Variants in SYNPR observed in about 807,000 individuals in gnomAD.
SYNPR encodes synaptoporin.
A neutral mutation model predicts 32.9 loss-of-function variants in SYNPR; 23 were observed. That is an observed-to-expected ratio of 0.70 (90% confidence interval 0.50 to 0.99). The LOEUF (loss-of-function observed/expected upper bound fraction) is 0.99, where lower values mean the gene tolerates loss of function less well. Ranked by LOEUF, SYNPR falls within the 50% of genes least tolerant of loss-of-function variation. The pLI is 0.00. For synonymous variants in SYNPR, 146 were observed against 135.9 expected (o/e 1.07, Z -0.52); for missense variants, 318 against 349.3 (o/e 0.91, Z 0.71).
chr3:63,559,187 C>T (rs1462423315), intron 4 of SYNPR, among the ~76,000 whole-genome samples: 1 of 151,648 alleles, frequency 6.6e-6, no homozygotes, highest in Non-Finnish European at 1.5e-5. Flanking sequence ...CCCACCTCAG[C>T]CCCCCAAGCT....
chr3:63,283,933 C>A (rs903834282), intron 2 of SYNPR, among the ~76,000 whole-genome samples: 2 of 151,486 alleles, frequency 1.3e-5, no homozygotes, highest in Non-Finnish European at 2.9e-5. Context: ...CTCAGCCTCC[C>A]GAGTAGCTGG....
chr3:63,378,733 T>C (rs1046333087), intron 2 of SYNPR, among the ~76,000 whole-genome samples: 1 of 152,112 alleles, frequency 6.6e-6, no homozygotes, highest in African/African-American at 2.4e-5. Flanking sequence ...CCCTGTCTCA[T>C]TTCTAGTATT....
In SYNPR at chr3:63,283,623, C is replaced by CTTTT. The variant is rs10650958; in HGVS notation, c.84+4897_84+4900dup. Among the ~76,000 whole-genome samples, 39 of 111,516 alleles carry CTTTT rather than the reference C, an allele frequency of 3.5e-4. 1 individual carries two copies. The highest frequency in any genetic ancestry group is 8.0e-4 in the African/African-American group (23 of 28,884). 73.2% of individuals were successfully genotyped at this position (111,516 alleles called of 152,430 possible). ...ATAGTCCTGTCTTCCACAGATAATT[C>CTTTT]TTTTTTTTTTTTTTTTTTTGAGACG... is the stretch of plus-strand genomic sequence containing the variant. On this transcript the variant is annotated intron_variant, in intron 2 of 5. Transcript: ENST00000478300.
Position 63,586,938 on chromosome 3 carries a change from C to A in SYNPR, c.409-22187C>A, listed in dbSNP as rs17069108. On this transcript the variant is annotated intron_variant, in intron 4 of 5. Coordinates refer to ENST00000478300, the MANE Select transcript of SYNPR (RefSeq NM_001130003.2). Reference sequence around the variant, plus strand: ...TTCTTTTCCAATCACGTATTGCAACCAAAAGAAATATTCACACATGCGAAG... The same window carrying A: ...TTCTTTTCCAATCACGTATTGCAACAAAAAGAAATATTCACACATGCGAAG... Among the ~76,000 whole-genome samples, 327 of 151,922 alleles carry A rather than the reference C, an allele frequency of 2.2e-3. 11 individuals are homozygous for A. In the East Asian group the frequency reaches 0.058, roughly 27 times the overall value.
Position 63,304,437 on chromosome 3 carries a change from T to A in SYNPR, c.84+25695T>A, listed in dbSNP as rs754184698. On this transcript the variant is annotated intron_variant, in intron 2 of 5. Transcript: ENST00000478300. Reference sequence around the variant, plus strand: ...ATGTATTTTTCCTCTTTTAACAATGTCTGAATTGCTATGAGCAAAAGAGAG... The same window carrying A: ...ATGTATTTTTCCTCTTTTAACAATGACTGAATTGCTATGAGCAAAAGAGAG... 2.2e-4 allele frequency among the ~76,000 whole-genome samples: 34 copies of A among 151,910 alleles called. 1 individual carries two copies. The highest frequency in any genetic ancestry group is 5.9e-5 in the Non-Finnish European group (4 of 67,938).
At chr3:63,204,203 T>G in the SYNPR span, among the ~76,000 whole-genome samples, 1 of 152,078 alleles carries the variant, frequency 6.6e-6, no homozygotes, top group Admixed American at 6.5e-5. Flanking sequence ...ACAACACAAA[T>G]GTATTTCCTC....
chr3:63,315,782 A>T (rs960779565), intron 2 of SYNPR, among the ~76,000 whole-genome samples: 1 of 151,958 alleles, frequency 6.6e-6, no homozygotes, highest in African/African-American at 2.4e-5. Flanking sequence ...TATGTTGAAG[A>T]GGAGTGGTGA....
intron 2 of SYNPR, among the ~76,000 whole-genome samples, chr3:63,451,389 A>G (rs947533486): frequency 6.6e-6 from 1 of 152,182 alleles, no homozygotes; most frequent in East Asian, 1.9e-4. Flanking sequence ...ATTCCATCTC[A>G]AGGGGAGATT....
intron 2 of SYNPR, among the ~76,000 whole-genome samples, chr3:63,381,347 G>A (rs925297710): frequency 6.6e-6 from 1 of 152,120 alleles, no homozygotes; most frequent in African/African-American, 2.4e-5. Flanking sequence ...AACTTACAAG[G>A]GATGTGAAGG....
intron 2 of SYNPR, among the ~76,000 whole-genome samples, chr3:63,470,307 C>A (rs190964286): frequency 6.6e-6 from 1 of 152,254 alleles, no homozygotes; most frequent in Non-Finnish European, 1.5e-5. Flanking sequence ...TTCTTTTTAA[C>A]CCTTGCATAA....
At chr3:63,362,362 C>T (rs2087672695) in intron 2 of SYNPR, among the ~76,000 whole-genome samples, 1 of 152,146 alleles carries the variant, frequency 6.6e-6, no homozygotes, top group Non-Finnish European at 1.5e-5. Context: ...CTGACCCAAA[C>T]AGGAAGTTTT....
intron 4 of SYNPR, among the ~76,000 whole-genome samples, chr3:63,570,440 C>T (rs893865047): frequency 6.6e-6 from 1 of 152,186 alleles, no homozygotes; most frequent in African/African-American, 2.4e-5. Flanking sequence ...GAGCTATCTC[C>T]CGTCATCCCC....
intron 2 of SYNPR, among the ~76,000 whole-genome samples, chr3:63,329,533 G>GA (rs2087203166): frequency 6.6e-6 from 1 of 152,162 alleles, no homozygotes; most frequent in Non-Finnish European, 1.5e-5. Flanking sequence ...CTGAATTAGA[G>GA]AAAATCTCAA....
intron 2 of SYNPR, among the ~76,000 whole-genome samples, chr3:63,391,265 G>C (rs1477114363): frequency 6.6e-6 from 1 of 152,066 alleles, no homozygotes; most frequent in East Asian, 1.9e-4. Context: ...CTGTGACATA[G>C]GAAGTCCATA....
chr3:63,581,150 A>G (rs549060317), intron 4 of SYNPR, among the ~76,000 whole-genome samples: 1 of 152,294 alleles, frequency 6.6e-6, no homozygotes, highest in South Asian at 2.1e-4. Flanking sequence ...GGTGTTTTCC[A>G]CCACTGTCCT....
intron 2 of SYNPR, among the ~76,000 whole-genome samples, chr3:63,469,021 T>TA (rs1434699595): frequency 6.6e-6 from 1 of 152,120 alleles, no homozygotes; most frequent in Non-Finnish European, 1.5e-5. Context: ...AGAATAACCC[T>TA]ATGGTATTCT....
intron 2 of SYNPR, among the ~76,000 whole-genome samples, chr3:63,255,698 T>A (rs1224088717): frequency 6.6e-6 from 1 of 152,180 alleles, no homozygotes; most frequent in Non-Finnish European, 1.5e-5. Flanking sequence ...GATTTCTGCA[T>A]TCCCAACTGA....
At chr3:63,571,146 G>A (rs1285193080) in intron 4 of SYNPR, among the ~76,000 whole-genome samples, 1 of 152,072 alleles carries the variant, frequency 6.6e-6, no homozygotes, top group East Asian at 1.9e-4. Flanking sequence ...TTAAAATGGT[G>A]GAGTCTAATT....
intron 3 of SYNPR, among the ~76,000 whole-genome samples, chr3:63,531,152 AGTATCAACAGAACACAGTCCAGG>A (rs922070637): frequency 6.6e-6 from 1 of 152,204 alleles, no homozygotes; most frequent in Non-Finnish European, 1.5e-5. Flanking sequence ...GACTGTCACA[AGTATCAACAGAACACAGTCCAGG>A]GTAGTTTTAT....
Sources: allele counts gnomAD v4.1 joint callset (sites outside exome capture counted in the v4.1 genomes callset), GRCh38; gene constraint gnomAD v4.1.1; transcripts MANE v1.5; gene names NCBI Gene and HGNC (gene_info 2026-07-23, HGNC 2026-07-21).